The following SYT9 variants were observed in gnomAD, a reference collection of about 807,000 sequenced individuals.
SYT9 encodes synaptotagmin 9.
SYT9 carries 22 observed loss-of-function variants against 48.4 expected under a neutral mutation model. The observed-to-expected ratio is 0.45, with a 90% CI of 0.32 to 0.65. SYT9 has a LOEUF of 0.65. Among genes scored for constraint, SYT9 ranks in the 30% least tolerant of loss-of-function variants. The pLI is 0.03. For missense variants in SYT9, 577 were observed against 622.0 expected (o/e 0.93, Z 0.77); for synonymous variants, 265 against 245.0 (o/e 1.08, Z -0.76).
intron 3 of SYT9, among the ~76,000 whole-genome samples, chr11:7,375,689 G>A (rs1020210728): frequency 3.9e-5 from 6 of 152,174 alleles, no homozygotes; most frequent in African/African-American, 1.2e-4. Flanking sequence ...TTGTGAATGG[G>A]AGTTCACTCA....
At chr11:7,363,473 G>A (rs764245788) in intron 3 of SYT9, among the ~76,000 whole-genome samples, 1 of 152,184 alleles carries the variant, frequency 6.6e-6, no homozygotes, top group Non-Finnish European at 1.5e-5. Flanking sequence ...AATGTAAGGT[G>A]TCTGTACACT....
chr11:7,462,554 T>C (rs547864476), intron 6 of SYT9, among the ~76,000 whole-genome samples: 1 of 152,206 alleles, frequency 6.6e-6, no homozygotes, highest in Non-Finnish European at 1.5e-5. Flanking sequence ...CGTGATAATT[T>C]TTCATATATT....
At position 7,372,105 on chromosome 11, in the gene SYT9, A is replaced by G. The variant is rs139045043; in HGVS notation, c.1045-43937A>G. On this transcript the variant is annotated intron_variant, in intron 3 of 6. Transcript: ENST00000318881. ...ATATCTTTTCAAAGTGGTTGTTATTATATTACATTCCTACCAGCAGTGATG... is the reference window on the plus strand; with the variant it reads ...ATATCTTTTCAAAGTGGTTGTTATTGTATTACATTCCTACCAGCAGTGATG... Among the ~76,000 whole-genome samples the G allele has an allele frequency of 3.8e-3, 579 of 152,258 alleles. 2 individuals carry two copies. Among genetic ancestry groups the G allele is most frequent in the Non-Finnish European group, 5.0e-3 (338 of 68,014 alleles).
chr11:7,432,440 G>A (rs958233835), intron 6 of SYT9, among the ~76,000 whole-genome samples: 1 of 149,752 alleles, frequency 6.7e-6, no homozygotes, highest in African/African-American at 2.5e-5. Flanking sequence ...CCAGCTACTC[G>A]GGAGGCTGAG....
At chr11:7,301,776 A>G (rs1434023123) in intron 1 of SYT9, among the ~76,000 whole-genome samples, 2 of 152,242 alleles carry the variant, frequency 1.3e-5, no homozygotes, top group Non-Finnish European at 2.9e-5. Context: ...CCAGAGTGTA[A>G]TGAAGCACTG....
chr11:7,241,247 C>T (rs1325552845), intron 1 of SYT9, among the ~76,000 whole-genome samples: 1 of 146,460 alleles, frequency 6.8e-6, no homozygotes, highest in Non-Finnish European at 1.5e-5. Context: ...CGCACACACT[C>T]ACCCCCCCCA....
rs563048500 is a variant in SYT9 at position 7,454,418 on chromosome 11, C to A, written c.1468-12374C>A. 4 of 540,576 alleles carry A rather than the reference C, an allele frequency of 7.4e-6. No homozygotes were observed. The Admixed American group carries it at 1.9e-4, about 26-fold the overall frequency. The allele number at this position is 540,576 out of a possible 1,614,324, so 33.5% of individuals were successfully genotyped here. ...AGCCACCATCTTCTCCCTGCCCTAT[C>A]CCCACATCCTATCCCAAGCACGGAC... On this transcript the variant is annotated intron_variant, in intron 6 of 6. Coordinates refer to ENST00000318881, the MANE Select transcript of SYT9 (RefSeq NM_175733.4).
At chr11:7,434,369 C>T (rs1715768683) in intron 6 of SYT9, among the ~76,000 whole-genome samples, 1 of 152,130 alleles carries the variant, frequency 6.6e-6, no homozygotes, top group African/African-American at 2.4e-5. Flanking sequence ...GCAGTGATTG[C>T]CTCTAATGAA....
At chr11:7,377,545 C>T (rs1387187590) in intron 3 of SYT9, among the ~76,000 whole-genome samples, 1 of 152,112 alleles carries the variant, frequency 6.6e-6, no homozygotes, top group Non-Finnish European at 1.5e-5. Flanking sequence ...GGTAGCTTCT[C>T]TTTCTTTATT....
At chr11:7,315,946 A>G (rs1283496904) in intron 3 of SYT9, among the ~76,000 whole-genome samples, 1 of 152,174 alleles carries the variant, frequency 6.6e-6, no homozygotes, top group Non-Finnish European at 1.5e-5. Flanking sequence ...TCTTCTGAGC[A>G]TTGATCTAAG....
intron 1 of SYT9, among the ~76,000 whole-genome samples, chr11:7,259,123 A>G (rs921835287): frequency 3.3e-5 from 5 of 152,148 alleles, no homozygotes. Flanking sequence ...TGGGCATCCT[A>G]TATTTTTATT....
At chr11:7,414,816 A>G (rs1338488195) in intron 3 of SYT9, among the ~76,000 whole-genome samples, 2 of 152,174 alleles carry the variant, frequency 1.3e-5, no homozygotes, top group East Asian at 1.9e-4. Context: ...CTGTGCTTCT[A>G]AAAATAGAAG....
At chr11:7,346,879 T>C (rs1454227491) in intron 3 of SYT9, among the ~76,000 whole-genome samples, 1 of 152,234 alleles carries the variant, frequency 6.6e-6, no homozygotes, top group East Asian at 1.9e-4. Context: ...TCTCTGTCCA[T>C]GGTTCTTCAC....
chr11:7,289,907 A>G (rs1216734254), intron 1 of SYT9, among the ~76,000 whole-genome samples: 2 of 152,252 alleles, frequency 1.3e-5, no homozygotes, highest in Non-Finnish European at 2.9e-5. Flanking sequence ...TTATTTGCTA[A>G]AAGGAAATTG....
At chr11:7,264,790 C>T (rs575238239) in intron 1 of SYT9, among the ~76,000 whole-genome samples, 2 of 152,032 alleles carry the variant, frequency 1.3e-5, no homozygotes, top group South Asian at 2.1e-4. Context: ...GAAGTGTTAT[C>T]GACATGGATA....
In SYT9 at chr11:7,372,523, G is replaced by A. The variant is rs1381779757; in HGVS notation, c.1045-43519G>A. Reference sequence around the variant, plus strand: ...AGATGAGGTCTCATTACATTGCCCAGGCAGGTGATTTCTTAAAATTCTTTT... The same window carrying A: ...AGATGAGGTCTCATTACATTGCCCAAGCAGGTGATTTCTTAAAATTCTTTT... On this transcript the variant is annotated intron_variant, in intron 3 of 6. Coordinates refer to ENST00000318881, the MANE Select transcript of SYT9 (RefSeq NM_175733.4). Among the ~76,000 whole-genome samples, 3 of 152,046 alleles carry A rather than the reference G, an allele frequency of 2.0e-5. No homozygotes were observed. The East Asian group carries it at 5.8e-4, about 29-fold the overall frequency.
At position 7,273,928 on chromosome 11, in the gene SYT9, A is replaced by G. The variant is rs188547531; in HGVS notation, c.145+21597A>G. On this transcript the variant is annotated intron_variant, in intron 1 of 6. Transcript: ENST00000318881. The stretch of plus-strand genomic sequence containing the variant: ...GGTGGGGGACAAGGGGAGGGAGAGC[A>G]TTAGGACAAATACCTAATGTATGTA... Among the ~76,000 whole-genome samples, 263 of 152,278 alleles carry G rather than the reference A, an allele frequency of 1.7e-3. 2 individuals carry two copies. Among genetic ancestry groups the G allele is most frequent in the African/African-American group, 5.9e-3 (246 of 41,542 alleles).
At chr11:7,364,872 A>G (rs1850211844) in intron 3 of SYT9, among the ~76,000 whole-genome samples, 1 of 152,204 alleles carries the variant, frequency 6.6e-6, no homozygotes, top group African/African-American at 2.4e-5. Flanking sequence ...CAGCTGTGAC[A>G]GATGGATGAG....
intron 4 of SYT9, 25 bp downstream of exon 4, chr11:7,416,187 T>C (rs778928422): frequency 6.2e-7 from 1 of 1,613,772 alleles, no homozygotes; most frequent in Non-Finnish European, 8.5e-7. Context: ...AATTCAGACT[T>C]CCTCATGCAC....
Sources: gnomAD v4.1 joint callset for allele counts (sites outside exome capture counted in the v4.1 genomes callset) on GRCh38, gnomAD v4.1.1 for gene constraint, MANE v1.5 for transcripts, NCBI Gene and HGNC (gene_info 2026-07-23, HGNC 2026-07-21) for gene names.